LIPE: variants seen among roughly 807,000 people sequenced by gnomAD.
LIPE encodes the protein hormone-sensitive lipase.
LIPE carries 66 observed loss-of-function variants against 88.5 expected under a neutral mutation model. The observed-to-expected ratio is 0.75, with a 90% CI of 0.61 to 0.91. LIPE has a LOEUF of 0.91. Ranked by LOEUF, LIPE falls within the 40% of genes least tolerant of loss-of-function variation. The pLI, the probability that LIPE is intolerant of heterozygous loss-of-function variation, is 0.00. For synonymous variants in LIPE, 570 were observed against 617.5 expected (o/e 0.92, Z 1.14); for missense variants, 1,346 against 1,434.7 (o/e 0.94, Z 1.00).
rs771639780 is a variant in LIPE, at chr19:42,426,962, G to T, written c.188C>A (p.Thr63Asn). ...GGATTCAGCATCATGTTGTGCAGGG[G>T]TCTCCTGCTGGGTGAGGGGTCTTTG... Reference protein sequence around the residue: ...SNQRPLTQQETPAQHDAESQK... With the variant: ...SNQRPLTQQENPAQHDAESQK... The change falls in exon 1 of 10, where the codon ACC becomes AAC. Residue 63 changes from threonine to asparagine, a missense_variant. Coordinates refer to ENST00000244289, the MANE Select transcript of LIPE (RefSeq NM_005357.4). The T allele has an allele frequency of 6.2e-7, 1 of 1,614,108 alleles. No individual in the cohort carries two copies. The highest frequency in any genetic ancestry group is 1.7e-5 in the Admixed American group (1 of 60,012).
chr19:42,413,955 G>A (rs1463932815), intron 1 of LIPE, among the ~76,000 whole-genome samples: 1 of 152,196 alleles, frequency 6.6e-6, no homozygotes, highest in Non-Finnish European at 1.5e-5. Flanking sequence ...GAGGCCTCAG[G>A]AGGCAGTGTT....
intron 8 of LIPE, 129 bp from the exon 9 acceptor site, chr19:42,403,160 C>T (rs1568594985): frequency 2.1e-6 from 2 of 938,136 alleles, no homozygotes; most frequent in South Asian, 1.8e-5. Context: ...AGACTCTTGC[C>T]TAGGGGATGG....
chr19:42,406,456 G>A lies in LIPE; in HGVS notation c.2138-68C>T, dbSNP rs558319568. 2.4e-5 allele frequency: 34 copies of A among 1,394,186 alleles called. No individual in the cohort carries two copies. The South Asian group carries it at 3.4e-4, about 14-fold the overall frequency. 86.4% of individuals were successfully genotyped at this position (1,394,186 alleles called of 1,614,324 possible). A position where few individuals can be genotyped will look rare whatever the true frequency, so the allele number is the denominator to read the frequency against. On this transcript the variant is annotated intron_variant, in intron 6 of 9. Coordinates refer to ENST00000244289, the MANE Select transcript of LIPE (RefSeq NM_005357.4). The surrounding 1 kb of genome is among the most constrained non-coding windows in gnomAD (Gnocchi z 5.7). ...AGAGGCCTGGGGAGGAGGGCAGGGA[G>A]GAACTCAAGCTGGGAGAACTGGGCT...
rs1307650062 is a variant in LIPE at position 42,408,497 on chromosome 19, G to C, written c.1420-175C>G. On this transcript the variant is annotated intron_variant, in intron 2 of 9. Coordinates refer to ENST00000244289, the MANE Select transcript of LIPE (RefSeq NM_005357.4). This position sits in a 1 kb window ranked among gnomAD's most constrained non-coding sequence, Gnocchi z 4.3. ...TTCACGGACCTGATGTTCTCAAAGGGAAAACAAATGATCAGCAGATAAGCA... is the reference window on the plus strand; with the variant it reads ...TTCACGGACCTGATGTTCTCAAAGGCAAAACAAATGATCAGCAGATAAGCA... The C allele has an allele frequency of 2.1e-5, 13 of 607,072 alleles. No homozygotes were observed. Among genetic ancestry groups the C allele is most frequent in the Non-Finnish European group, 3.5e-5 (12 of 338,558 alleles). 37.6% of individuals were successfully genotyped at this position (607,072 alleles called of 1,614,324 possible). A position where few individuals can be genotyped will look rare whatever the true frequency, so the allele number is the denominator to read the frequency against.
At position 42,423,829 on chromosome 19, in the gene LIPE, G is replaced by T. The variant is rs2040653477; in HGVS notation, c.883+2438C>A. ...GCGTCCTTCGGGCAGGACTAGTGCG[G>T]AGCCCCGCGGGGAGCACCCCAGCAG... On this transcript the variant is annotated intron_variant, in intron 1 of 9. Coordinates refer to ENST00000244289, the MANE Select transcript of LIPE (RefSeq NM_005357.4). 7.2e-6 allele frequency: 8 copies of T among 1,110,600 alleles called. No homozygotes were observed. The South Asian group carries it at 1.7e-4, about 24-fold the overall frequency. The allele number at this position is 1,110,600 out of a possible 1,614,324, so 68.8% of individuals were successfully genotyped here.
Position 42,407,633 on chromosome 19 carries a change from G to T in LIPE, c.1815C>A (p.Leu605=). Residue 605 remains leucine (L), a synonymous_variant, in exon 5 of 10, where the codon CTC becomes CTA. Transcript: ENST00000244289. This position sits in a 1 kb window ranked among gnomAD's most constrained non-coding sequence, Gnocchi z 5.8. ...GTCCTTCACGCAGGTCATAGGAGATGAGCCTGACGAGGACGGGCCCAGGGC... is the reference window on the plus strand; with the variant it reads ...GTCCTTCACGCAGGTCATAGGAGATTAGCCTGACGAGGACGGGCCCAGGGC... ...HTGPGPVLVR[L]ISYDLREGQD... 1 of 1,611,312 alleles carries T rather than the reference G, an allele frequency of 6.2e-7. No individual in the cohort carries two copies. Among genetic ancestry groups the T allele is most frequent in the East Asian group, 2.2e-5 (1 of 44,854 alleles).
chr19:42,408,811 G>A lies in LIPE; in HGVS notation c.1420-489C>T, dbSNP rs145141937. 1.0e-4 allele frequency among the ~76,000 whole-genome samples: 15 copies of A among 149,638 alleles called. No individual in the cohort carries two copies. Among genetic ancestry groups the A allele is most frequent in the African/African-American group, 3.2e-4 (13 of 41,084 alleles). On this transcript the variant is annotated intron_variant, in intron 2 of 9. Transcript: ENST00000244289. The surrounding 1 kb of genome is among the most constrained non-coding windows in gnomAD (Gnocchi z 4.3). Reference sequence around the variant, plus strand: ...TGCACTCCAGCCTGGGCGACAGAGCGAGACTCTGTCTCTAAAAAAAAAAAA... The same window carrying A: ...TGCACTCCAGCCTGGGCGACAGAGCAAGACTCTGTCTCTAAAAAAAAAAAA...
At position 42,406,736 on chromosome 19, in the gene LIPE, A is replaced by G. The variant is rs2040196917; in HGVS notation, c.2138-348T>C. Among the ~76,000 whole-genome samples the G allele has an allele frequency of 6.6e-6, 1 of 152,094 alleles. No individual in the cohort carries two copies. The highest frequency in any genetic ancestry group is 2.1e-4 in the South Asian group (1 of 4,830). On this transcript the variant is annotated intron_variant, in intron 6 of 9. Coordinates refer to ENST00000244289, the MANE Select transcript of LIPE (RefSeq NM_005357.4). The surrounding 1 kb of genome is among the most constrained non-coding windows in gnomAD (Gnocchi z 5.7). ...CCTCAGAGGGCGGGAATGGAAGGTC[A>G]GGGTTCAGGGTCAGTACAGAGGGGC... is the stretch of plus-strand genomic sequence containing the variant.
intron 1 of LIPE, among the ~76,000 whole-genome samples, chr19:42,425,487 T>C (rs1243717054): frequency 6.6e-6 from 1 of 152,044 alleles, no homozygotes; most frequent in Non-Finnish European, 1.5e-5. Context: ...CTTACTTCTT[T>C]ATTTTCTACC....
Position 42,406,035 on chromosome 19 carries a change from A to C in LIPE, c.2365+126T>G, listed in dbSNP as rs1481537756. 2 of 706,532 alleles carry C rather than the reference A, an allele frequency of 2.8e-6. No individual in the cohort carries two copies. The highest frequency in any genetic ancestry group is 1.8e-5 in the African/African-American group (1 of 55,420). The allele number at this position is 706,532 out of a possible 1,614,324, so 43.8% of individuals were successfully genotyped here. A position where few individuals can be genotyped will look rare whatever the true frequency, so the allele number is the denominator to read the frequency against. Reference sequence around the variant, plus strand: ...ACACACACACGAAAAAAAAGGGACAAGGAGTCTTAGATTCCTCTGCCTGGC... The same window carrying C: ...ACACACACACGAAAAAAAAGGGACACGGAGTCTTAGATTCCTCTGCCTGGC... On this transcript the variant is annotated intron_variant, in intron 7 of 9. Coordinates refer to ENST00000244289, the MANE Select transcript of LIPE (RefSeq NM_005357.4). This position sits in a 1 kb window ranked among gnomAD's most constrained non-coding sequence, Gnocchi z 5.7.
At position 42,401,809 on chromosome 19, in the gene LIPE, C is replaced by A; in HGVS notation, c.*3G>T. The stretch of plus-strand genomic sequence containing the variant: ...GGCCGGCGCAGATGGGAACAACAGG[C>A]TTTTAGTGTCGCCCCCCGCAGCCCC... On this transcript the variant is annotated 3_prime_UTR_variant, in exon 10 of 10. Transcript: ENST00000244289. 1 of 1,493,744 alleles carries A rather than the reference C, an allele frequency of 6.7e-7. No individual in the cohort carries two copies. 92.5% of individuals were successfully genotyped at this position (1,493,744 alleles called of 1,614,324 possible). A position where few individuals can be genotyped will look rare whatever the true frequency, so the allele number is the denominator to read the frequency against.
rs1437892233 is a variant in LIPE, at chr19:42,426,909, A to G, written c.241T>C (p.Ser81Pro). 2 of 1,614,056 alleles carry G rather than the reference A, an allele frequency of 1.2e-6. No individual in the cohort carries two copies. The highest frequency in any genetic ancestry group is 1.6e-4 in the Middle Eastern group (1 of 6,062). Reference protein sequence around the residue: ...SQKEPRAQQKSASQEEFLAPQ... With the variant: ...SQKEPRAQQKPASQEEFLAPQ... ...GCAAGAAATTCCTCTTGTGAAGCAGATTTTTGTTGGGCTCTAGGTTCCTTC... is the reference window on the plus strand; with the variant it reads ...GCAAGAAATTCCTCTTGTGAAGCAGGTTTTTGTTGGGCTCTAGGTTCCTTC... The change falls in exon 1 of 10, where the codon TCT (serine) becomes CCT (proline). Residue 81 changes from serine to proline, a missense_variant. Transcript: ENST00000244289.
At position 42,426,878 on chromosome 19, in the gene LIPE, TG is replaced by T; in HGVS notation, c.271del (p.Gln91ArgfsTer29). ...AGGTGATTGCTGTGGTGCGGGCTTC[TG>T]TGGGGCAAGAAATTCCTCTTGTGAA... ...SASQEEFLAP[Q>X]KPAPQQSPYI... On this transcript the variant is annotated frameshift_variant, in exon 1 of 10. Coordinates refer to ENST00000244289, the MANE Select transcript of LIPE (RefSeq NM_005357.4). LOFTEE classifies it high-confidence loss of function. 6.2e-7 allele frequency: 1 copy of T among 1,614,198 alleles called. No homozygotes were observed.
chr19:42,415,285 A>G (rs1252866623), intron 1 of LIPE, among the ~76,000 whole-genome samples: 1 of 152,176 alleles, frequency 6.6e-6, no homozygotes, highest in Admixed American at 6.6e-5. Flanking sequence ...AATCAGGCCA[A>G]TTAACAACCC....
chr19:42,423,544 C>T (rs1045372284), intron 1 of LIPE: 1 of 1,246,358 alleles, frequency 8.0e-7, no homozygotes, highest in East Asian at 5.7e-5. Flanking sequence ...CATCAATTCC[C>T]CGCGGTCCTC....
chr19:42,421,161 A>C (rs1244189986), intron 1 of LIPE, among the ~76,000 whole-genome samples: 1 of 152,124 alleles, frequency 6.6e-6, no homozygotes. Context: ...GGCCTCCCAA[A>C]GTGCCAGGAT....
At chr19:42,409,150 A>G (rs1250774438) in intron 2 of LIPE, among the ~76,000 whole-genome samples, 1 of 152,010 alleles carries the variant, frequency 6.6e-6, no homozygotes, top group Non-Finnish European at 1.5e-5. Context: ...CAGGGACCTG[A>G]GGCAGAAAGA....
intron 9 of LIPE, 141 bp from the exon 10 acceptor site, chr19:42,402,216 G>T (rs1365099980): frequency 3.7e-6 from 3 of 804,412 alleles, no homozygotes; most frequent in Non-Finnish European, 5.4e-6. Context: ...GAGACATGGT[G>T]GGTGAGGAGT....
Position 42,407,335 on chromosome 19 carries a change from G to T in LIPE, c.1976C>A (p.Thr659Asn). ...GAGGTAGGGCTCGTGGGATCTGGAG[G>T]TCTGGGCCACAAAGCCACCGCCGTG... ...HFHGGGFVAQTSRSHEPYLKS... is the reference protein window; with the variant it reads ...HFHGGGFVAQNSRSHEPYLKS... The change falls in exon 6 of 10, where the codon ACC becomes AAC. Residue 659 changes from threonine (T) to asparagine (N), a missense_variant. Coordinates refer to ENST00000244289, the MANE Select transcript of LIPE (RefSeq NM_005357.4). This position sits in a 1 kb window ranked among gnomAD's most constrained non-coding sequence, Gnocchi z 5.8. 1.2e-6 allele frequency: 2 copies of T among 1,612,720 alleles called. No homozygotes were observed. Among genetic ancestry groups the T allele is most frequent in the Non-Finnish European group, 1.7e-6 (2 of 1,179,554 alleles).
Sources: gnomAD v4.1 joint callset for allele counts (sites outside exome capture counted in the v4.1 genomes callset) on GRCh38, gnomAD v4.1.1 for gene constraint, Gnocchi (gnomAD v3.1) non-coding constraint, MANE v1.5 for transcripts, NCBI Gene and HGNC (gene_info 2026-07-23, HGNC 2026-07-21) for gene names.